Variants in DIS3L2 observed in about 807,000 individuals in gnomAD.
DIS3L2 encodes the protein DIS3 like 3'-5' exoribonuclease 2, also known as DIS3-like exonuclease 2.
A neutral mutation model predicts 97.5 loss-of-function variants in DIS3L2; 34 were observed. The ratio of observed to expected loss-of-function variants is 0.35; its 90% CI spans 0.27 to 0.46. The LOEUF (loss-of-function observed/expected upper bound fraction) is 0.46, where lower values mean the gene tolerates loss of function less well. DIS3L2 is among the 20% of genes least tolerant of loss of function. The pLI, the probability that DIS3L2 is intolerant of heterozygous loss-of-function variation, is 1.00. For missense variants in DIS3L2, 1,038 were observed against 1,146.0 expected, an observed-to-expected ratio of 0.91 and a Z score of 1.36; for synonymous variants, 435 against 445.2, an observed-to-expected ratio of 0.98 and a Z score of 0.29.
intron 1 of DIS3L2, among the ~76,000 whole-genome samples, chr2:231,974,540 C>CTTT (rs35535304): frequency 6.0e-4 from 79 of 131,196 alleles, no homozygotes; most frequent in African/African-American, 1.7e-3. Flanking sequence ...TAATTTGGAT[C>CTTT]TTTTTTTTTT....
At chr2:231,988,024 G>T (rs1289342402) in intron 1 of DIS3L2, among the ~76,000 whole-genome samples, 1 of 152,096 alleles carries the variant, frequency 6.6e-6, no homozygotes, top group Non-Finnish European at 1.5e-5. Flanking sequence ...TGTATTTTTA[G>T]TAGAGACAGG....
chr2:232,121,526 A>G (rs528580391), intron 6 of DIS3L2, among the ~76,000 whole-genome samples: 1 of 152,278 alleles, frequency 6.6e-6, no homozygotes, highest in African/African-American at 2.4e-5. Context: ...CAGATCTAAT[A>G]TCTGATACCT....
intron 9 of DIS3L2, among the ~76,000 whole-genome samples, chr2:232,165,468 A>G (rs927168360): frequency 1.1e-4 from 16 of 152,230 alleles, no homozygotes; most frequent in African/African-American, 3.9e-4. Context: ...GTGGAGTGGT[A>G]AGGCAACAGG....
intron 1 of DIS3L2, among the ~76,000 whole-genome samples, chr2:231,963,309 A>T (rs1559497052): frequency 6.6e-6 from 1 of 152,016 alleles, no homozygotes; most frequent in Non-Finnish European, 1.5e-5. Flanking sequence ...TGTGGTTTTG[A>T]TTGGCATTTC....
At position 232,336,879 on chromosome 2, in the gene DIS3L2, G is replaced by GC. The variant is rs546189825; in HGVS notation, c.*255dup. ...AGGCCCCAGTCCTCCTGGGAGGCTG[G>GC]CCCCCCTTTTTTCTGGGCCCTACTG... On this transcript the variant is annotated 3_prime_UTR_variant, in exon 21 of 21. Coordinates refer to ENST00000325385, the MANE Select transcript of DIS3L2 (RefSeq NM_152383.5). The GC allele has an allele frequency of 3.8e-5, 50 of 1,326,756 alleles. No homozygotes were observed. Among genetic ancestry groups the GC allele is most frequent in the East Asian group, 1.0e-4 (3 of 29,524 alleles). The allele number at this position is 1,326,756 out of a possible 1,614,324, so 82.2% of individuals were successfully genotyped here. A position where few individuals can be genotyped will look rare whatever the true frequency, so the allele number is the denominator to read the frequency against.
chr2:232,075,177 G>A (rs552956044), intron 5 of DIS3L2, among the ~76,000 whole-genome samples: 17 of 152,192 alleles, frequency 1.1e-4, no homozygotes, highest in African/African-American at 4.1e-4. Context: ...TAGACCTGTA[G>A]GCACATTACA....
At chr2:232,342,132 T>A (rs995657214), downstream of DIS3L2, among the ~76,000 whole-genome samples, 1 of 151,970 alleles carries the variant, frequency 6.6e-6, no homozygotes, top group Non-Finnish European at 1.5e-5. Context: ...CATATATATA[T>A]ACACATATAC....
chr2:232,288,016 A>C (rs539880510), intron 13 of DIS3L2, among the ~76,000 whole-genome samples: 1 of 152,164 alleles, frequency 6.6e-6, no homozygotes, highest in South Asian at 2.1e-4. Flanking sequence ...GCTGGATGGT[A>C]GTGGAAAGTG....
intron 14 of DIS3L2, 21 bp from the exon 15 acceptor site, chr2:232,329,792 C>CAA: frequency 2.8e-6 from 1 of 353,690 alleles, no homozygotes; most frequent in Non-Finnish European, 5.3e-6. Context: ...CGGTCCCTCC[C>CAA]ATCCCACCCA....
At chr2:232,098,980 C>A (rs1697115452) in intron 6 of DIS3L2, among the ~76,000 whole-genome samples, 1 of 152,058 alleles carries the variant, frequency 6.6e-6, no homozygotes. Flanking sequence ...TTTATTAAGG[C>A]AAATCTTTAT....
At chr2:232,260,869 T>C (rs760957365) in intron 12 of DIS3L2, among the ~76,000 whole-genome samples, 10 of 152,118 alleles carry the variant, frequency 6.6e-5, no homozygotes, top group Non-Finnish European at 1.5e-4. Flanking sequence ...TCCTTCCCCA[T>C]GGGGAATGCC....
intron 13 of DIS3L2, among the ~76,000 whole-genome samples, chr2:232,298,856 G>A (rs1001221263): frequency 2.6e-5 from 4 of 152,216 alleles, no homozygotes; most frequent in Non-Finnish European, 5.9e-5. Context: ...ACCTCCTTGA[G>A]CTCTGTTGGA....
intron 6 of DIS3L2, among the ~76,000 whole-genome samples, chr2:232,099,214 T>C (rs1016797337): frequency 1.3e-5 from 2 of 152,070 alleles, no homozygotes; most frequent in Non-Finnish European, 2.9e-5. Context: ...GGGTAGTATT[T>C]TTTGTATTTT....
chr2:232,055,592 C>G (rs1205095474), intron 5 of DIS3L2, among the ~76,000 whole-genome samples: 4 of 152,170 alleles, frequency 2.6e-5, no homozygotes, highest in Non-Finnish European at 5.9e-5. Context: ...AACATTCCAG[C>G]AATCGTTGTT....
intron 5 of DIS3L2, among the ~76,000 whole-genome samples, chr2:232,062,308 T>C (rs1204657793): frequency 6.6e-6 from 1 of 152,154 alleles, no homozygotes. Context: ...GTGGAAGTGA[T>C]AGTAGGCCTC....
Position 232,240,891 on chromosome 2 carries a change from AAATTGGG to A in DIS3L2, c.1317+2247_1317+2253del, listed in dbSNP as rs539103679. ...TTCAAAATCAGAAAATGAAAAAATC[AAATTGGG>A]TTAAGTAATTAAGCATGTTTCCTTT... On this transcript the variant is annotated intron_variant, in intron 11 of 20. Coordinates refer to ENST00000325385, the MANE Select transcript of DIS3L2 (RefSeq NM_152383.5). 1.1e-3 allele frequency among the ~76,000 whole-genome samples: 173 copies of A among 152,356 alleles called. 3 individuals are homozygous for A. Among genetic ancestry groups the A allele is most frequent in the Admixed American group, 8.9e-3 (136 of 15,312 alleles).
chr2:232,053,022 A>G (rs961791735), intron 5 of DIS3L2, among the ~76,000 whole-genome samples: 5 of 152,262 alleles, frequency 3.3e-5, no homozygotes, highest in African/African-American at 1.2e-4. Flanking sequence ...TGTTGCAGAC[A>G]TAGATTTCTT....
At chr2:232,041,655 C>T (rs765287403) in intron 5 of DIS3L2, among the ~76,000 whole-genome samples, 3 of 152,016 alleles carry the variant, frequency 2.0e-5, no homozygotes, top group Non-Finnish European at 4.4e-5. Flanking sequence ...GTGATTGGCT[C>T]AGAGAAAATA....
intron 4 of DIS3L2, among the ~76,000 whole-genome samples, chr2:232,024,685 T>C (rs1342811272): frequency 6.6e-6 from 1 of 152,190 alleles, no homozygotes. Context: ...TAAACAAATA[T>C]GCTATCTACT....
Sources: gnomAD v4.1 joint callset for allele counts (sites outside exome capture counted in the v4.1 genomes callset) on GRCh38, gnomAD v4.1.1 for gene constraint, MANE v1.5 for transcripts, NCBI Gene and HGNC (gene_info 2026-07-23, HGNC 2026-07-21) for gene names.